Variants in PYGB observed in about 807,000 individuals in gnomAD.
PYGB encodes the protein glycogen phosphorylase, brain form.
PYGB carries 82 observed loss-of-function variants against 94.3 expected under a neutral mutation model. The ratio of observed to expected loss-of-function variants is 0.87; its 90% CI spans 0.73 to 1.04. The LOEUF is 1.04. Among genes scored for constraint, PYGB ranks in the 50% least tolerant of loss-of-function variants. The pLI, the probability that PYGB is intolerant of heterozygous loss-of-function variation, is 0.00. For missense variants in PYGB, 1,132 were observed against 1,158.2 expected (o/e 0.98, Z 0.33); for synonymous variants, 488 against 479.1 (o/e 1.02, Z -0.24).
At chr20:25,254,046 T>C (rs1043015029) in intron 1 of PYGB, among the ~76,000 whole-genome samples, 2 of 145,308 alleles carry the variant, frequency 1.4e-5, no homozygotes, top group East Asian at 2.1e-4. Flanking sequence ...CATTCCAGCC[T>C]GGGCAACGGA....
At chr20:25,250,899 A>G (rs531864391) in intron 1 of PYGB, 135 of 152,302 alleles carry the variant, frequency 8.9e-4, no homozygotes, top group African/African-American at 3.0e-3. Flanking sequence ...TAATCCTGTA[A>G]CCCACTTCTA....
chr20:25,282,872 TG>T (rs545968447), intron 12 of PYGB, among the ~76,000 whole-genome samples: 30 of 152,230 alleles, frequency 2.0e-4, no homozygotes, highest in Non-Finnish European at 3.5e-4. Flanking sequence ...CTTTGGGTTT[TG>T]GGTGGTGATG....
chr20:25,274,445 T>A, intron 4 of PYGB, 147 bp from the exon 5 acceptor site: 1 of 1,164,442 alleles, frequency 8.6e-7, no homozygotes, highest in Non-Finnish European at 1.2e-6. Flanking sequence ...TCGCCAGAAG[T>A]GGGAATCCCG....
At chr20:25,284,286 G>A (rs540562257) in intron 14 of PYGB, 35 bp downstream of exon 14, 1 of 1,597,994 alleles carries the variant, frequency 6.3e-7, no homozygotes, top group East Asian at 2.2e-5. Flanking sequence ...ACCGCGCTGT[G>A]GGGCCCAAGG....
Position 25,284,124 on chromosome 20 carries a change from G to A in PYGB, c.1641G>A (p.Ser547=), listed in dbSNP as rs761827145. 1.2e-5 allele frequency: 20 copies of A among 1,613,844 alleles called. No homozygotes were observed. In the East Asian group the frequency reaches 2.5e-4, roughly 20 times the overall value. ...CCCAGGAGAACAAGCTCAAGTTCTC[G>A]GCCTTCCTGGAGAAGGAGTACAAGG... is the stretch of plus-strand genomic sequence containing the variant. ...KVKQENKLKF[S]AFLEKEYKVK... is the part of the protein sequence containing the mutation. Residue 547 remains serine (S), a synonymous_variant, in exon 14 of 20, where the codon TCG becomes TCA. Transcript: ENST00000216962.
At chr20:25,288,953 G>C (rs760703694) in intron 15 of PYGB, among the ~76,000 whole-genome samples, 2 of 152,232 alleles carry the variant, frequency 1.3e-5, no homozygotes, top group Non-Finnish European at 2.9e-5. Flanking sequence ...CCCACCTCCT[G>C]CCATGTTTCC....
intron 1 of PYGB, among the ~76,000 whole-genome samples, chr20:25,258,486 G>C (rs763138810): frequency 6.6e-6 from 1 of 152,242 alleles, no homozygotes; most frequent in African/African-American, 2.4e-5. Flanking sequence ...CACATATCCT[G>C]TTAGTCCTTG....
Position 25,280,316 on chromosome 20 carries a change from G to A in PYGB, c.1143G>A (p.Leu381=). 1.2e-6 allele frequency: 2 copies of A among 1,614,148 alleles called. No homozygotes were observed. The highest frequency in any genetic ancestry group is 1.7e-6 in the Non-Finnish European group (2 of 1,179,956). The stretch of plus-strand genomic sequence containing the variant: ...GTGCATACACCAACCACACTGTGCT[G>A]CCTGAGGCCTTGGAGCGCTGGCCCG... ...KTCAYTNHTV[L]PEALERWPVS... Residue 381 remains leucine, a synonymous_variant, in exon 10 of 20, where the codon CTG becomes CTA. Coordinates refer to ENST00000216962, the MANE Select transcript of PYGB (RefSeq NM_002862.4).
At chr20:25,269,052 C>G in intron 2 of PYGB, 77 bp from the exon 3 acceptor site, 2 of 1,253,056 alleles carry the variant, frequency 1.6e-6, no homozygotes, top group South Asian at 2.4e-5. Flanking sequence ...GCTCACAAGA[C>G]TTACACATCT....
In PYGB at chr20:25,292,434, G is replaced by C; in HGVS notation, c.1998G>C (p.Gln666His). 1 of 1,613,418 alleles carries C rather than the reference G, an allele frequency of 6.2e-7. No individual in the cohort carries two copies. The highest frequency in any genetic ancestry group is 8.5e-7 in the Non-Finnish European group (1 of 1,180,012). The stretch of plus-strand genomic sequence containing the variant: ...TCCCGGCCGCTGATCTGTCGCAGCA[G>C]ATCTCCACTGCAGGCACCGAGGCCT... ...KVIPAADLSQ[Q>H]ISTAGTEASG... is the part of the protein sequence containing the mutation. Residue 666 changes from glutamine (Q) to histidine (H), a missense_variant, in exon 17 of 20, where the codon CAG becomes CAC. Transcript: ENST00000216962.
At chr20:25,258,272 G>T (rs971493560) in intron 1 of PYGB, among the ~76,000 whole-genome samples, 3 of 152,164 alleles carry the variant, frequency 2.0e-5, no homozygotes, top group Non-Finnish European at 2.9e-5. Context: ...GCCGGTCAGC[G>T]TGGTCAGCTA....
chr20:25,294,937 C>A, intron 18 of PYGB: 1 of 1,612,420 alleles, frequency 6.2e-7, no homozygotes, highest in Non-Finnish European at 8.5e-7. Flanking sequence ...GTTTTGTCTG[C>A]TGCTCTTCGA....
Position 25,259,311 on chromosome 20 carries a change from GA to G in PYGB, c.320del (p.Asn107MetfsTer12). 1 of 1,611,200 alleles carries G rather than the reference GA, an allele frequency of 6.2e-7. No homozygotes were observed. The highest frequency in any genetic ancestry group is 8.5e-7 in the Non-Finnish European group (1 of 1,177,272). On this transcript the variant is annotated frameshift_variant, in exon 2 of 20. Transcript: ENST00000216962. LOFTEE classifies it high-confidence loss of function. Reference sequence around the variant, plus strand: ...ACACGATGGTGAACCTGGGCCTTCAGAATGCCTGCGATGAAGCCATCTATCA... The same window carrying G: ...ACACGATGGTGAACCTGGGCCTTCAGATGCCTGCGATGAAGCCATCTATCA... ...QNTMVNLGLQ[N>X]ACDEAIYQLG...
rs201407533 is a variant in PYGB at position 25,296,882 on chromosome 20, G to A, written c.*360G>A. On this transcript the variant is annotated 3_prime_UTR_variant, in exon 20 of 20. Transcript: ENST00000216962. Reference sequence around the variant, plus strand: ...TATTAGCCGATGTCTTTAGTGTTGAGCCTCTGGATTCTGGGGTCTGGGCCA... The same window carrying A: ...TATTAGCCGATGTCTTTAGTGTTGAACCTCTGGATTCTGGGGTCTGGGCCA... The A allele has an allele frequency of 1.9e-5, 4 of 208,264 alleles. No individual in the cohort carries two copies. The highest frequency in any genetic ancestry group is 3.9e-5 in the Non-Finnish European group (4 of 103,246). 12.9% of individuals were successfully genotyped at this position (208,264 alleles called of 1,614,324 possible).
chr20:25,252,076 A>G (rs1384775114), intron 1 of PYGB, among the ~76,000 whole-genome samples: 1 of 152,134 alleles, frequency 6.6e-6, no homozygotes, highest in Non-Finnish European at 1.5e-5. Context: ...TTCCACTTTT[A>G]TGTGTGAAGT....
intron 2 of PYGB, among the ~76,000 whole-genome samples, chr20:25,268,516 A>G (rs902477320): frequency 1.3e-5 from 2 of 152,102 alleles, no homozygotes; most frequent in African/African-American, 4.8e-5. Flanking sequence ...ATAAATATCA[A>G]TATATGTAAT....
In PYGB at chr20:25,267,829, C is replaced by G. The variant is rs1045598725; in HGVS notation, c.346-1300C>G. Among the ~76,000 whole-genome samples, 13 of 152,278 alleles carry G rather than the reference C, an allele frequency of 8.5e-5. No homozygotes were observed. In the East Asian group the frequency reaches 1.7e-3, roughly 20 times the overall value. On this transcript the variant is annotated intron_variant, in intron 2 of 19. Coordinates refer to ENST00000216962, the MANE Select transcript of PYGB (RefSeq NM_002862.4). ...GACAGGCTTGAGCCACCGCACCCAG[C>G]CTTTTTATGTCTTTCTCGAATGCTC...
In PYGB at chr20:25,292,519, G is replaced by A. The variant is rs746469695; in HGVS notation, c.2083G>A (p.Gly695Ser). Residue 695 changes from glycine to serine, a missense_variant, in exon 17 of 20, where the codon GGC becomes AGC. Coordinates refer to ENST00000216962, the MANE Select transcript of PYGB (RefSeq NM_002862.4). ...NGALTIGTMD[G>S]ANVEMAEEAG... is the part of the protein sequence containing the mutation. ...GGCCCTCACCATCGGCACCATGGAC[G>A]GCGCCAACGTGGAGATGGCCGAGGA... is the stretch of plus-strand genomic sequence containing the variant. 5.0e-6 allele frequency: 8 copies of A among 1,613,508 alleles called. No individual in the cohort carries two copies. The highest frequency in any genetic ancestry group is 1.3e-5 in the African/African-American group (1 of 74,954).
rs777454522 is a variant in PYGB, at chr20:25,278,360, C to T, written c.897C>T (p.Phe299=). The T allele has an allele frequency of 3.7e-6, 6 of 1,611,240 alleles. No individual in the cohort carries two copies. The highest frequency in any genetic ancestry group is 1.7e-4 in the Middle Eastern group (1 of 6,046). ...AGCTGCGGCTGAAGCAGGAGTACTT[C>T]GTGGTGGCCGCCACGCTCCAGGACA... ...GKELRLKQEY[F]VVAATLQDII... is the part of the protein sequence containing the mutation. Residue 299 remains phenylalanine, a synonymous_variant, in exon 8 of 20, where the codon TTC becomes TTT. Coordinates refer to ENST00000216962, the MANE Select transcript of PYGB (RefSeq NM_002862.4).
Sources: allele counts gnomAD v4.1 joint callset (sites outside exome capture counted in the v4.1 genomes callset), GRCh38; gene constraint gnomAD v4.1.1; transcripts MANE v1.5; gene names NCBI Gene and HGNC (gene_info 2026-07-23, HGNC 2026-07-21).